Variants in TXNRD1 observed in about 807,000 individuals in gnomAD.
TXNRD1 encodes the protein thioredoxin reductase 1, also known as thioredoxin reductase 1, cytoplasmic.
TXNRD1 carries 57 observed loss-of-function variants against 80.3 expected under a neutral mutation model. The observed-to-expected ratio is 0.71, with a 90% CI of 0.57 to 0.89. TXNRD1 has a LOEUF of 0.89. Among genes scored for constraint, TXNRD1 ranks in the 40% least tolerant of loss-of-function variants. TXNRD1 has a pLI of 0.00. For missense variants in TXNRD1, 730 were observed against 803.0 expected (o/e 0.91, Z 1.10); for synonymous variants, 291 against 285.2 (o/e 1.02, Z -0.20).
intron 15 of TXNRD1, among the ~76,000 whole-genome samples, chr12:104,338,229 T>C (rs2036204593): frequency 6.6e-6 from 1 of 152,002 alleles, no homozygotes; most frequent in Non-Finnish European, 1.5e-5. Context: ...TTTTGGTGAT[T>C]AAAGACTTGT....
chr12:104,249,839 G>T (rs1289300262), intron 1 of TXNRD1, among the ~76,000 whole-genome samples: 1 of 149,686 alleles, frequency 6.7e-6, no homozygotes, highest in Non-Finnish European at 1.5e-5. Context: ...CGAGGCTGAG[G>T]CAAGAGAATG....
At chr12:104,343,652 A>T (rs9739833) in intron 16 of TXNRD1, among the ~76,000 whole-genome samples, 137,592 of 151,840 alleles carry the variant, frequency 0.91, 62,602 homozygotes, top group African/African-American at 0.98. Context: ...TAACAAAAAA[A>T]TAACTGTGCA....
At chr12:104,332,021 C>A (rs1209295215) in intron 14 of TXNRD1, among the ~76,000 whole-genome samples, 2 of 151,942 alleles carry the variant, frequency 1.3e-5, no homozygotes, top group African/African-American at 4.8e-5. Flanking sequence ...TCAGTTGACC[C>A]AATCGTATTT....
intron 3 of TXNRD1, among the ~76,000 whole-genome samples, chr12:104,273,606 T>C (rs1565872855): frequency 1.3e-5 from 2 of 149,870 alleles, no homozygotes. Flanking sequence ...AGAACAAACA[T>C]ACAAACAACA....
At position 104,311,410 on chromosome 12, in the gene TXNRD1, A is replaced by G; in HGVS notation, c.535A>G (p.Lys179Glu). 3 of 1,613,320 alleles carry G rather than the reference A, an allele frequency of 1.9e-6. No individual in the cohort carries two copies. The highest frequency in any genetic ancestry group is 2.5e-6 in the Non-Finnish European group (3 of 1,179,618). Residue 179 changes from lysine (K) to glutamate (E), a missense_variant and splice_region_variant, in exon 5 of 17, where the codon AAG becomes GAG. Physicochemically the swap from Lys to Glu is moderately conservative, Grantham distance 56. Coordinates refer to ENST00000525566, the MANE Select transcript of TXNRD1 (RefSeq NM_001093771.3). ...GGGSGGLAAAKEAAQYGKKVM... is the reference protein window; with the variant it reads ...GGGSGGLAAAEEAAQYGKKVM... ...TGGCTCAGGAGGTCTGGCAGCTGCT[A>G]AGGCAAGGCTCCTTGTGTTGTCTGT...
At chr12:104,322,565 G>A (rs368698530) in intron 10 of TXNRD1, among the ~76,000 whole-genome samples, 1 of 151,872 alleles carries the variant, frequency 6.6e-6, no homozygotes, top group East Asian at 1.9e-4. Flanking sequence ...ATTTTCAGTA[G>A]AGAGGGCTTT....
At chr12:104,295,629 CTTCTA>C (rs1172469654) in intron 4 of TXNRD1, among the ~76,000 whole-genome samples, 1 of 152,186 alleles carries the variant, frequency 6.6e-6, no homozygotes, top group East Asian at 1.9e-4. Flanking sequence ...TTCCTCCTCA[CTTCTA>C]TTCTTTATTT....
At chr12:104,282,439 A>G (rs1593747272) in intron 3 of TXNRD1, among the ~76,000 whole-genome samples, 1 of 152,210 alleles carries the variant, frequency 6.6e-6, no homozygotes, top group East Asian at 1.9e-4. Flanking sequence ...TTTTATGATC[A>G]GCTTTCACAA....
intron 4 of TXNRD1, among the ~76,000 whole-genome samples, chr12:104,299,363 T>A (rs2034539427): frequency 6.6e-6 from 1 of 151,684 alleles, no homozygotes; most frequent in Non-Finnish European, 1.5e-5. Flanking sequence ...AGAAACTAAT[T>A]TTCATTAAAA....
intron 3 of TXNRD1, among the ~76,000 whole-genome samples, chr12:104,277,357 G>A (rs538753831): frequency 1.0e-4 from 15 of 149,524 alleles, no homozygotes; most frequent in African/African-American, 3.5e-4. Context: ...CTGAGATCGC[G>A]CCACTGCACT....
At chr12:104,292,420 C>T (rs1490322226) in intron 4 of TXNRD1, among the ~76,000 whole-genome samples, 2 of 138,552 alleles carry the variant, frequency 1.4e-5, no homozygotes, top group Non-Finnish European at 3.1e-5. Context: ...TGGAGTTCTG[C>T]TCTTGTTGCC....
At chr12:104,307,543 G>A (rs992354773) in intron 4 of TXNRD1, among the ~76,000 whole-genome samples, 30 of 152,210 alleles carry the variant, frequency 2.0e-4, no homozygotes, top group African/African-American at 7.2e-4. Context: ...GCTTCGTTAA[G>A]GATTAGGTGA....
intron 15 of TXNRD1, among the ~76,000 whole-genome samples, chr12:104,336,732 G>A (rs974402067): frequency 1.3e-5 from 2 of 152,118 alleles, no homozygotes; most frequent in Non-Finnish European, 2.9e-5. Context: ...CACTTACTGT[G>A]TACCAGGCAC....
At chr12:104,254,641 A>AT (rs1565864254) in intron 2 of TXNRD1, among the ~76,000 whole-genome samples, 33 of 129,554 alleles carry the variant, frequency 2.5e-4, no homozygotes, top group South Asian at 5.1e-4. Context: ...AAAAAAAAAA[A>AT]AAAATATATA....
At chr12:104,344,278 G>C (rs1380368619) in intron 16 of TXNRD1, among the ~76,000 whole-genome samples, 1 of 152,126 alleles carries the variant, frequency 6.6e-6, no homozygotes, top group East Asian at 1.9e-4. Context: ...GAGACGATGT[G>C]GCTGGACTGA....
At chr12:104,265,226 T>C (rs2033449416) in intron 3 of TXNRD1, 1 of 1,263,832 alleles carries the variant, frequency 7.9e-7, no homozygotes, top group African/African-American at 1.5e-5. Context: ...CACTCCAGCC[T>C]GGTGACAGAG....
chr12:104,331,559 C>T lies in TXNRD1; in HGVS notation c.1568C>T (p.Thr523Ile). 1.2e-6 allele frequency: 2 copies of T among 1,610,312 alleles called. No homozygotes were observed. Among genetic ancestry groups the T allele is most frequent in the South Asian group, 1.1e-5 (1 of 90,382 alleles). ...TGTGACTATGAAAATGTTCCAACCA[C>T]TGTATTTACTCCTTTGGAATATGGT... ...VKCDYENVPTTVFTPLEYGAC... is the reference protein window; with the variant it reads ...VKCDYENVPTIVFTPLEYGAC... Residue 523 changes from threonine to isoleucine, a missense_variant, in exon 14 of 17, where the codon ACT (threonine) becomes ATT (isoleucine). Transcript: ENST00000525566.
In TXNRD1 at chr12:104,251,585, G is replaced by A. The variant is rs7960443; in HGVS notation, c.150G>A (p.Thr50=). 0.82 allele frequency: 1,327,832 copies of A among 1,613,434 alleles called. 548,054 individuals carry two copies. Among genetic ancestry groups the A allele is most frequent in the East Asian group, 0.87 (39,223 of 44,876 alleles). The change falls in exon 2 of 17, where the codon ACG becomes ACA. Residue 50 remains threonine (T), a synonymous_variant. Coordinates refer to ENST00000525566, the MANE Select transcript of TXNRD1 (RefSeq NM_001093771.3). ...AGAACCCAGCAGGATTCACCAGCACGGCCACTGCAGACTCCAGAGCCCTGC... is the reference window on the plus strand; with the variant it reads ...AGAACCCAGCAGGATTCACCAGCACAGCCACTGCAGACTCCAGAGCCCTGC... ...LPENPAGFTS[T]ATADSRALLQ...
intron 1 of TXNRD1, among the ~76,000 whole-genome samples, chr12:104,244,111 G>T (rs1593700088): frequency 6.6e-6 from 1 of 152,146 alleles, no homozygotes; most frequent in South Asian, 2.1e-4. Context: ...GCTGATCAAG[G>T]TTTCTCCAAA....
Sources: gnomAD v4.1 joint callset for allele counts (sites outside exome capture counted in the v4.1 genomes callset) on GRCh38, gnomAD v4.1.1 for gene constraint, MANE v1.5 for transcripts, NCBI Gene and HGNC (gene_info 2026-07-23, HGNC 2026-07-21) for gene names.